Variants in SEMA6D observed in about 807,000 individuals in gnomAD.
The protein encoded by SEMA6D is semaphorin-6D.
Under a neutral mutation model 106.6 loss-of-function variants are expected in SEMA6D, and 35 were observed. The ratio of observed to expected loss-of-function variants is 0.33; its 90% CI spans 0.25 to 0.44. The LOEUF (loss-of-function observed/expected upper bound fraction) is 0.44. Ranked by LOEUF, SEMA6D falls within the 20% of genes least tolerant of loss-of-function variation. The probability of loss-of-function intolerance (pLI) is 1.00; values close to 1 mark genes in which losing one functional copy is unlikely to be tolerated. For synonymous variants in SEMA6D, 499 were observed against 487.7 expected (o/e 1.02, Z -0.31); for missense variants, 1,185 against 1,345.9 (o/e 0.88, Z 1.87).
intron 3 of SEMA6D, among the ~76,000 whole-genome samples, chr15:47,594,420 G>C (rs1453292549): frequency 6.6e-6 from 1 of 152,208 alleles, no homozygotes; most frequent in Non-Finnish European, 1.5e-5. Flanking sequence ...ACACCTCCAT[G>C]TGTGTTTCTC....
At chr15:47,595,752 T>C (rs533473998) in intron 3 of SEMA6D, among the ~76,000 whole-genome samples, 1 of 152,304 alleles carries the variant, frequency 6.6e-6, no homozygotes. Context: ...GTCTCCTTAC[T>C]TATTATTCAT....
Position 47,574,530 on chromosome 15 carries a change from C to G in SEMA6D, c.-86-26335C>G, listed in dbSNP as rs1031653846. Among the ~76,000 whole-genome samples the G allele has an allele frequency of 3.4e-4, 52 of 152,094 alleles. 1 individual carries two copies. The highest frequency in any genetic ancestry group is 8.8e-5 in the Non-Finnish European group (6 of 68,028). On this transcript the variant is annotated intron_variant, in intron 3 of 19. Transcript: ENST00000558014. ...TTTTCCCTTTCAAGGCTAGAGAACC[C>G]TCAGCAAGAATTTAGCGGAATCTTG...
At chr15:47,375,517 A>ACCC (rs2039419408) in intron 1 of SEMA6D, among the ~76,000 whole-genome samples, 1 of 152,178 alleles carries the variant, frequency 6.6e-6, no homozygotes, top group South Asian at 2.1e-4. Flanking sequence ...TGCCTGCTGA[A>ACCC]TTATAATATT....
intron 1 of SEMA6D, among the ~76,000 whole-genome samples, chr15:47,254,875 TTGTGTGTGTGTGTGTG>T (rs58271041): frequency 1.5e-5 from 2 of 134,306 alleles, no homozygotes; most frequent in Non-Finnish European, 3.2e-5. Context: ...ACCTGTGGTT[TTGTGTGTGTGTGTGTG>T]TGTGTGTGTG....
chr15:47,241,922 A>G (rs1467353352), intron 1 of SEMA6D, among the ~76,000 whole-genome samples: 2 of 152,030 alleles, frequency 1.3e-5, no homozygotes, highest in African/African-American at 4.8e-5. Context: ...TTGTCCTTTG[A>G]GTTTCCTGGC....
At chr15:47,544,928 A>G (rs2045471061) in intron 3 of SEMA6D, among the ~76,000 whole-genome samples, 1 of 152,142 alleles carries the variant, frequency 6.6e-6, no homozygotes, top group Admixed American at 6.6e-5. Flanking sequence ...ATAAGTGGAA[A>G]TAACTTTTAG....
At chr15:47,252,229 G>A (rs893836405) in intron 1 of SEMA6D, among the ~76,000 whole-genome samples, 2 of 152,070 alleles carry the variant, frequency 1.3e-5, no homozygotes, top group African/African-American at 4.8e-5. Flanking sequence ...TTATTATTGA[G>A]TGTTGCGATT....
At chr15:47,357,828 A>G (rs2038647992) in intron 1 of SEMA6D, among the ~76,000 whole-genome samples, 1 of 152,152 alleles carries the variant, frequency 6.6e-6, no homozygotes, top group African/African-American at 2.4e-5. Flanking sequence ...CATCACAGCC[A>G]TTTATTATGT....
chr15:47,408,198 A>G (rs887826058), intron 1 of SEMA6D, among the ~76,000 whole-genome samples: 4 of 152,094 alleles, frequency 2.6e-5, no homozygotes, highest in South Asian at 4.1e-4. Context: ...CAGGCCTGGG[A>G]TTGAGCCCCG....
At chr15:47,685,718 AGAACATGT>A (rs1487312558) in intron 4 of SEMA6D, among the ~76,000 whole-genome samples, 1 of 152,150 alleles carries the variant, frequency 6.6e-6, no homozygotes, top group South Asian at 2.1e-4. Context: ...CAGCTATGGT[AGAACATGT>A]GAACAAGGAT....
At position 47,552,891 on chromosome 15, in the gene SEMA6D, A is replaced by ATTTTTATAT. The variant is rs2045790546; in HGVS notation, c.-86-47974_-86-47973insTTTTTATAT. Among the ~76,000 whole-genome samples the ATTTTTATAT allele has an allele frequency of 8.4e-3, 298 of 35,290 alleles. 7 individuals are homozygous for ATTTTTATAT. Among genetic ancestry groups the ATTTTTATAT allele is most frequent in the Non-Finnish European group, 0.013 (255 of 19,984 alleles). The allele number at this position is 35,290 out of a possible 152,430, so 23.2% of individuals were successfully genotyped here. A position where few individuals can be genotyped will look rare whatever the true frequency, so the allele number is the denominator to read the frequency against. On this transcript the variant is annotated intron_variant, in intron 3 of 19. Coordinates refer to the SEMA6D transcript ENST00000558014. ...TTTTATATATATATAAATATATATA[A>ATTTTTATAT]ATATATATATATATAAATATATATA...
intron 1 of SEMA6D, among the ~76,000 whole-genome samples, chr15:47,385,598 A>G (rs2039807683): frequency 1.3e-5 from 2 of 152,200 alleles, no homozygotes; most frequent in African/African-American, 4.8e-5. Context: ...GTACAGGTCC[A>G]GAGGTTCTTC....
At chr15:47,740,792 G>A (rs1393300175) in intron 1 of SEMA6D, among the ~76,000 whole-genome samples, 1 of 152,086 alleles carries the variant, frequency 6.6e-6, no homozygotes, top group Non-Finnish European at 1.5e-5. Flanking sequence ...CTGCACCACT[G>A]CCTGGAGACA....
chr15:47,356,928 C>T (rs1268837856), intron 1 of SEMA6D, among the ~76,000 whole-genome samples: 1 of 152,182 alleles, frequency 6.6e-6, no homozygotes, highest in African/African-American at 2.4e-5. Context: ...AGAACCAAAT[C>T]TCAATTGTTT....
intron 1 of SEMA6D, among the ~76,000 whole-genome samples, chr15:47,269,395 T>C (rs1424638682): frequency 2.6e-5 from 4 of 151,808 alleles, no homozygotes; most frequent in Non-Finnish European, 5.9e-5. Context: ...TTAAAAAATA[T>C]AGCTCAATGT....
chr15:47,222,125 A>T (rs2031259534), intron 1 of SEMA6D, among the ~76,000 whole-genome samples: 1 of 152,294 alleles, frequency 6.6e-6, no homozygotes, highest in African/African-American at 2.4e-5. Context: ...GATAAAACAC[A>T]AGTTCCCAGT....
intron 3 of SEMA6D, among the ~76,000 whole-genome samples, chr15:47,585,730 TA>T (rs1437547389): frequency 3.3e-5 from 5 of 151,930 alleles, no homozygotes; most frequent in African/African-American, 1.2e-4. Context: ...CATCATTTAC[TA>T]TGTGCTATGC....
chr15:47,367,692 G>GCACACACACACA (rs72057750), intron 1 of SEMA6D, among the ~76,000 whole-genome samples: 2 of 73,408 alleles, frequency 2.7e-5, no homozygotes, highest in African/African-American at 4.1e-5. Context: ...GCGCGCGCGC[G>GCACACACACACA]CACACACACA....
In SEMA6D at chr15:47,516,260, C is replaced by T. The variant is rs149070039; in HGVS notation, c.-87+45715C>T. ...AACTTATCTCATTAGTATGCTGAAC[C>T]GCCAGATACTTTTGTACAGTTTCAC... On this transcript the variant is annotated intron_variant, in intron 3 of 19. Coordinates refer to the SEMA6D transcript ENST00000558014. Among the ~76,000 whole-genome samples, 10 of 152,200 alleles carry T rather than the reference C, an allele frequency of 6.6e-5. No individual in the cohort carries two copies. The South Asian group carries it at 1.9e-3, about 28-fold the overall frequency.
Sources: gnomAD v4.1 joint callset for allele counts (sites outside exome capture counted in the v4.1 genomes callset) on GRCh38, gnomAD v4.1.1 for gene constraint, MANE v1.5 for transcripts, NCBI Gene and HGNC (gene_info 2026-07-23, HGNC 2026-07-21) for gene names.